The following LRCH2 variants were observed in gnomAD, a reference collection of about 807,000 sequenced individuals.
LRCH2 encodes the protein leucine-rich repeat and calponin homology domain-containing protein 2.
A neutral mutation model predicts 68.9 loss-of-function variants in LRCH2; 38 were observed. The ratio of observed to expected loss-of-function variants is 0.55; its 90% CI spans 0.43 to 0.72. LRCH2 has a LOEUF of 0.72. LRCH2 is among the 30% of genes least tolerant of loss of function. The pLI is 0.00. For synonymous variants in LRCH2, 191 were observed against 208.1 expected (o/e 0.92, Z 0.71); for missense variants, 528 against 572.9 (o/e 0.92, Z 0.80).
intron 15 of LRCH2, among the ~76,000 whole-genome samples, chrX:115,128,902 C>T (rs1167185127): frequency 8.9e-6 from 1 of 111,812 alleles, no homozygotes; most frequent in African/African-American, 3.3e-5. Context: ...ATTATAATAT[C>T]TAGGGGGTGT....
chrX:115,177,570 C>T (rs1326146440), intron 5 of LRCH2, among the ~76,000 whole-genome samples: 1 of 111,944 alleles, frequency 8.9e-6, no homozygotes, highest in Non-Finnish European at 1.9e-5. Context: ...GAGCCCCTGA[C>T]TCTGTTTCAA....
intron 12 of LRCH2, among the ~76,000 whole-genome samples, chrX:115,151,275 G>A (rs894221728): frequency 4.5e-5 from 5 of 110,774 alleles, no homozygotes; most frequent in African/African-American, 9.8e-5. Context: ...ACAGGACCAC[G>A]AGTATAATAA....
intron 2 of LRCH2, among the ~76,000 whole-genome samples, chrX:115,186,346 T>TA (rs782173753): frequency 0.04 from 3,544 of 88,116 alleles, 154 homozygotes; most frequent in African/African-American, 0.13. Flanking sequence ...AGACTCCGTC[T>TA]AAAAAAAAAA....
rs371596348 is a variant in LRCH2 at position 115,122,613 on chromosome X, T to A, written c.2101-9A>T. ...GCCATGCTCAGTTTGGGCTGTAAAG[T>A]AAGAGGGAAAAAATGTACTTTTAGG... is the stretch of plus-strand genomic sequence containing the variant. On this transcript the variant is annotated splice_polypyrimidine_tract_variant and intron_variant, in intron 19 of 20. Transcript: ENST00000317135. 36 of 1,201,327 alleles carry A rather than the reference T, an allele frequency of 3.0e-5. No homozygotes were observed. The highest frequency in any genetic ancestry group is 3.7e-5 in the Non-Finnish European group (33 of 891,087).
At chrX:115,176,380 T>G (rs959217511) in intron 5 of LRCH2, among the ~76,000 whole-genome samples, 2 of 112,002 alleles carry the variant, frequency 1.8e-5, no homozygotes, top group African/African-American at 6.5e-5. Flanking sequence ...TGAAGTGATA[T>G]CTCATTGTGG....
At chrX:115,130,779 G>A in intron 14 of LRCH2, among the ~76,000 whole-genome samples, 1 of 111,847 alleles carries the variant, frequency 8.9e-6, no homozygotes, top group Non-Finnish European at 1.9e-5. Flanking sequence ...GCCAGGCACT[G>A]ATTTAAATGT....
intron 3 of LRCH2, among the ~76,000 whole-genome samples, chrX:115,183,017 TAG>T (rs1250571403): frequency 9.2e-6 from 1 of 108,703 alleles, no homozygotes; most frequent in Non-Finnish European, 1.9e-5. Flanking sequence ...TAATAACAAA[TAG>T]AGTTTTGCAA....
In LRCH2 at chrX:115,186,813, C is replaced by CTTT. The variant is rs35505436; in HGVS notation, c.494+1410_494+1412dup. On this transcript the variant is annotated intron_variant, in intron 2 of 20. Coordinates refer to ENST00000317135, the MANE Select transcript of LRCH2 (RefSeq NM_020871.4). ...TCTTTGGAAGGAAACTTCCCTCACA[C>CTTT]TTTTTTTTTTTTTTTTTTTTTTTGA... 3.5e-4 allele frequency among the ~76,000 whole-genome samples: 19 copies of CTTT among 54,303 alleles called. 1 individual carries two copies. Among genetic ancestry groups the CTTT allele is most frequent in the Non-Finnish European group, 4.6e-4 (13 of 28,153 alleles). The allele number at this position is 54,303 out of a possible 115,157, so 47.2% of individuals were successfully genotyped here.
chrX:115,170,697 T>C (rs984714809), intron 5 of LRCH2, among the ~76,000 whole-genome samples: 5 of 111,846 alleles, frequency 4.5e-5, no homozygotes, highest in Admixed American at 9.5e-5. Flanking sequence ...AAAAGCAGAA[T>C]GTACAAACTA....
At chrX:115,213,641 T>C (rs1556570610) in intron 1 of LRCH2, among the ~76,000 whole-genome samples, 3 of 111,810 alleles carry the variant, frequency 2.7e-5, no homozygotes, top group African/African-American at 9.7e-5. Flanking sequence ...AAGAATCACC[T>C]CCATTTAGTT....
At chrX:115,173,771 C>A (rs782594370) in intron 5 of LRCH2, among the ~76,000 whole-genome samples, 334 of 111,541 alleles carry the variant, frequency 3.0e-3, no homozygotes, top group Middle Eastern at 4.7e-3. Context: ...TCCACCTCTG[C>A]CACTCCTGAG....
intron 6 of LRCH2, among the ~76,000 whole-genome samples, chrX:115,167,680 T>A (rs1556545903): frequency 8.9e-6 from 1 of 111,790 alleles, no homozygotes. Flanking sequence ...AAAGTTAACG[T>A]CCCAAGGGGA....
intron 1 of LRCH2, among the ~76,000 whole-genome samples, chrX:115,204,783 C>G (rs892353520): frequency 9.0e-6 from 1 of 111,630 alleles, no homozygotes; most frequent in Non-Finnish European, 1.9e-5. Flanking sequence ...ACATTTTGGT[C>G]ATAACTATTC....
intron 14 of LRCH2, among the ~76,000 whole-genome samples, chrX:115,137,367 T>A (rs1293116320): frequency 9.1e-6 from 1 of 109,473 alleles, no homozygotes; most frequent in African/African-American, 3.3e-5. Flanking sequence ...AGAAAAAAAG[T>A]TATAGGATGT....
intron 20 of LRCH2, among the ~76,000 whole-genome samples, chrX:115,114,852 T>A (rs1264411473): frequency 9.0e-6 from 1 of 110,663 alleles, no homozygotes; most frequent in African/African-American, 3.3e-5. Context: ...ATAAATGAGT[T>A]CTGCAAGGTT....
At chrX:115,129,514 C>T in intron 15 of LRCH2, among the ~76,000 whole-genome samples, 1 of 111,361 alleles carries the variant, frequency 9.0e-6, no homozygotes, top group East Asian at 2.8e-4. Context: ...GGCATCTGAG[C>T]TGGCAGACGA....
chrX:115,111,456 A>G lies in LRCH2; in HGVS notation c.*1760T>C, dbSNP rs2072042504. 1 of 110,524 alleles carries G rather than the reference A, an allele frequency of 9.0e-6. No homozygotes were observed. The highest frequency in any genetic ancestry group is 3.3e-5 in the African/African-American group (1 of 30,493). 9.1% of individuals were successfully genotyped at this position (110,524 alleles called of 1,213,427 possible). A position where few individuals can be genotyped will look rare whatever the true frequency, so the allele number is the denominator to read the frequency against. On this transcript the variant is annotated 3_prime_UTR_variant, in exon 21 of 21. Transcript: ENST00000317135. The stretch of plus-strand genomic sequence containing the variant: ...TGGTCACTTAATTTGTAATGCTGTC[A>G]AATTTCTACATAAAAAGTCATTAAC...
intron 1 of LRCH2, chrX:115,192,440 G>C: frequency 8.6e-7 from 1 of 1,168,430 alleles, no homozygotes; most frequent in Non-Finnish European, 1.1e-6. Flanking sequence ...GACCACGACA[G>C]ATCCAGCAAC....
intron 14 of LRCH2, among the ~76,000 whole-genome samples, chrX:115,134,269 A>G (rs1487496951): frequency 4.4e-5 from 5 of 112,752 alleles, no homozygotes; most frequent in African/African-American, 1.6e-4. Context: ...ACTGCGTAAC[A>G]AAAGTGCAAG....
Sources: allele counts gnomAD v4.1 joint callset (sites outside exome capture counted in the v4.1 genomes callset), GRCh38; gene constraint gnomAD v4.1.1; transcripts MANE v1.5; gene names NCBI Gene and HGNC (gene_info 2026-07-23, HGNC 2026-07-21).